Variants in ANKS1A observed in about 807,000 individuals in gnomAD.
ANKS1A encodes ankyrin repeat and sterile alpha motif domain containing 1A.
In ANKS1A, 55 loss-of-function variants were observed where a neutral mutation model predicts 120.3. The observed-to-expected ratio is 0.46, with a 90% CI of 0.37 to 0.57. The LOEUF (loss-of-function observed/expected upper bound fraction) is 0.57, where lower values mean the gene tolerates loss of function less well. Ranked by LOEUF, ANKS1A falls within the 20% of genes least tolerant of loss-of-function variation. ANKS1A has a pLI of 0.00. For synonymous variants in ANKS1A, 590 were observed against 604.7 expected (o/e 0.98, Z 0.36); for missense variants, 1,123 against 1,480.3 (o/e 0.76, Z 3.96).
In ANKS1A at chr6:35,017,526, G is replaced by C; in HGVS notation, c.1477G>C (p.Gly493Arg). 1 of 1,613,886 alleles carries C rather than the reference G, an allele frequency of 6.2e-7. No individual in the cohort carries two copies. Among genetic ancestry groups the C allele is most frequent in the Non-Finnish European group, 8.5e-7 (1 of 1,179,938 alleles). Reference protein sequence around the residue: ...RSQDSAEGQDGQVPEQFSGLL... With the variant: ...RSQDSAEGQDRQVPEQFSGLL... ...CCAGGACTCTGCGGAGGGGCAGGAC[G>C]GGCAGGTCCCAGAGCAGTTCTCAGG... Residue 493 changes from glycine to arginine, a missense_variant, in exon 11 of 24, where the codon GGG becomes CGG. Physicochemically the swap from Gly to Arg is moderately radical, Grantham distance 125. Around this residue, in one of 3 missense-constraint regions of ANKS1A, gnomAD observed 904 missense variants for 1,130.4 expected, o/e 0.80. Transcript: ENST00000360359.
In ANKS1A at chr6:35,060,269, C is replaced by T; in HGVS notation, c.2184+16C>T. On this transcript the variant is annotated intron_variant, in intron 13 of 23. Transcript: ENST00000360359. The surrounding 1 kb of genome is among the most constrained non-coding windows in gnomAD (Gnocchi z 4.5). Reference sequence around the variant, plus strand: ...CCACTTCCTGGTAAGTGGCTGCAGGCCTCCTCAATGGCAGGGTGCTGCTCA... The same window carrying T: ...CCACTTCCTGGTAAGTGGCTGCAGGTCTCCTCAATGGCAGGGTGCTGCTCA... 6.2e-7 allele frequency: 1 copy of T among 1,600,702 alleles called. No homozygotes were observed. The highest frequency in any genetic ancestry group is 8.5e-7 in the Non-Finnish European group (1 of 1,173,468).
At chr6:35,010,194 A>G (rs1054351464) in intron 10 of ANKS1A, among the ~76,000 whole-genome samples, 1 of 151,988 alleles carries the variant, frequency 6.6e-6, no homozygotes, top group African/African-American at 2.4e-5. Flanking sequence ...TTTTTTTTTA[A>G]AGAGTAGAGC....
chr6:34,908,696 A>G (rs1394604703), intron 1 of ANKS1A, among the ~76,000 whole-genome samples: 1 of 152,148 alleles, frequency 6.6e-6, no homozygotes, highest in African/African-American at 2.4e-5. Context: ...GCATCATAAT[A>G]TATTATTCTG....
At chr6:35,038,317 AC>A (rs1775284500) in intron 11 of ANKS1A, 2 of 456,540 alleles carry the variant, frequency 4.4e-6, no homozygotes, top group Non-Finnish European at 8.8e-6. Context: ...GGAAACTGGA[AC>A]TTTGCATTCT....
intron 1 of ANKS1A, among the ~76,000 whole-genome samples, chr6:34,943,429 C>T (rs191255759): frequency 1.0e-3 from 154 of 152,244 alleles, no homozygotes; most frequent in African/African-American, 3.2e-3. Context: ...AATATTGATA[C>T]GTTATTAACT....
intron 13 of ANKS1A, among the ~76,000 whole-genome samples, chr6:35,071,470 T>G (rs1777083743): frequency 6.6e-6 from 1 of 152,164 alleles, no homozygotes; most frequent in African/African-American, 2.4e-5. Flanking sequence ...TCTGCTTTAA[T>G]GATAATGTGG....
chr6:35,015,817 A>G (rs1773970970), intron 10 of ANKS1A, among the ~76,000 whole-genome samples: 1 of 152,208 alleles, frequency 6.6e-6, no homozygotes, highest in South Asian at 2.1e-4. Context: ...ATGCTTGGGC[A>G]TTGGAGACTG....
intron 1 of ANKS1A, among the ~76,000 whole-genome samples, chr6:34,965,710 C>A (rs1473560554): frequency 6.6e-6 from 1 of 151,454 alleles, no homozygotes; most frequent in African/African-American, 2.4e-5. Context: ...GCTCAGATGG[C>A]TTTACTGGTG....
intron 10 of ANKS1A, among the ~76,000 whole-genome samples, chr6:35,005,213 A>G (rs1021171091): frequency 6.6e-6 from 1 of 152,218 alleles, no homozygotes; most frequent in Non-Finnish European, 1.5e-5. Flanking sequence ...CCCTCCCTTA[A>G]TGGTGAAGAG....
At chr6:34,890,736 C>G (rs985417641) in intron 1 of ANKS1A, among the ~76,000 whole-genome samples, 1 of 152,168 alleles carries the variant, frequency 6.6e-6, no homozygotes, top group South Asian at 2.1e-4. Flanking sequence ...AGTTCAGCAG[C>G]GCTTTCATAG....
Position 35,083,452 on chromosome 6 carries a change from C to G in ANKS1A, c.2943C>G (p.Ile981Met). The stretch of plus-strand genomic sequence containing the variant: ...AGCACATGAAGAAGATCCCCACCAT[C>G]ATCCTGTCCATCACATACAAAGGTG... Reference protein sequence around the residue: ...STEHMKKIPTIILSITYKGVK... With the variant: ...STEHMKKIPTMILSITYKGVK... The change falls in exon 20 of 24, where the codon ATC becomes ATG. Residue 981 changes from isoleucine (I) to methionine (M), a missense_variant. Physicochemically the swap from Ile to Met is conservative, Grantham distance 10. Coordinates refer to ENST00000360359, the MANE Select transcript of ANKS1A (RefSeq NM_015245.3). The G allele has an allele frequency of 6.2e-7, 1 of 1,614,120 alleles. No homozygotes were observed. Among genetic ancestry groups the G allele is most frequent in the Non-Finnish European group, 8.5e-7 (1 of 1,180,006 alleles).
chr6:34,989,144 A>G, intron 8 of ANKS1A, 80 bp from the exon 9 acceptor site: 1 of 1,327,718 alleles, frequency 7.5e-7, no homozygotes, highest in Admixed American at 2.1e-5. Context: ...TTCATTTCTA[A>G]GGGCTAAGAT....
chr6:35,083,052 G>C, intron 18 of ANKS1A, 103 bp from the exon 19 acceptor site: 1 of 1,434,928 alleles, frequency 7.0e-7, no homozygotes, highest in Non-Finnish European at 9.6e-7. Context: ...TGTTGTTATT[G>C]AGAGGGGTAA....
At chr6:35,039,091 T>TGTGGG (rs1554150015) in intron 11 of ANKS1A, among the ~76,000 whole-genome samples, 1 of 113,816 alleles carries the variant, frequency 8.8e-6, no homozygotes, top group Admixed American at 8.2e-5. Flanking sequence ...TGTGTGTGTG[T>TGTGGG]GGGGGGGGGT....
In ANKS1A at chr6:34,982,030, T is replaced by C; in HGVS notation, c.732+44T>C. On this transcript the variant is annotated intron_variant, in intron 4 of 23. Transcript: ENST00000360359. The surrounding 1 kb of genome is among the most constrained non-coding windows in gnomAD (Gnocchi z 4.9). Reference sequence around the variant, plus strand: ...GCTCCTCCAATCTCAAGAGACTCAGTCATTTTGCAGAAGGCACAAGGACCA... The same window carrying C: ...GCTCCTCCAATCTCAAGAGACTCAGCCATTTTGCAGAAGGCACAAGGACCA... 3 of 1,600,532 alleles carry C rather than the reference T, an allele frequency of 1.9e-6. No homozygotes were observed. Among genetic ancestry groups the C allele is most frequent in the Non-Finnish European group, 2.6e-6 (3 of 1,172,578 alleles).
chr6:35,084,749 A>G lies in ANKS1A; in HGVS notation c.3132+491A>G, dbSNP rs1046654366. Among the ~76,000 whole-genome samples the G allele has an allele frequency of 2.6e-5, 4 of 152,062 alleles. No individual in the cohort carries two copies. Among genetic ancestry groups the G allele is most frequent in the African/African-American group, 9.7e-5 (4 of 41,400 alleles). On this transcript the variant is annotated intron_variant, in intron 21 of 23. Transcript: ENST00000360359. This position sits in a 1 kb window ranked among gnomAD's most constrained non-coding sequence, Gnocchi z 4.8. ...CAGAAATGCCCTCTACTTCCCTCTT[A>G]GGGGCAGTGGTGCCCTCTTTGGCAG...
At position 34,982,031 on chromosome 6, in the gene ANKS1A, C is replaced by A; in HGVS notation, c.732+45C>A. ...CTCCTCCAATCTCAAGAGACTCAGT[C>A]ATTTTGCAGAAGGCACAAGGACCAT... On this transcript the variant is annotated intron_variant, in intron 4 of 23. Coordinates refer to ENST00000360359, the MANE Select transcript of ANKS1A (RefSeq NM_015245.3). This position sits in a 1 kb window ranked among gnomAD's most constrained non-coding sequence, Gnocchi z 4.9. 6.3e-7 allele frequency: 1 copy of A among 1,599,338 alleles called. No homozygotes were observed. Among genetic ancestry groups the A allele is most frequent in the South Asian group, 1.1e-5 (1 of 89,278 alleles).
At chr6:35,056,056 T>C (rs1366642764) in intron 12 of ANKS1A, among the ~76,000 whole-genome samples, 2 of 152,238 alleles carry the variant, frequency 1.3e-5, no homozygotes, top group African/African-American at 2.4e-5. Flanking sequence ...GTCAGTTCCA[T>C]TGAGGATGGT....
chr6:34,991,665 TATATACACATATATATAC>T (rs1772542794), intron 9 of ANKS1A, among the ~76,000 whole-genome samples: 3 of 36,402 alleles, frequency 8.2e-5, no homozygotes, highest in Non-Finnish European at 1.7e-4. Flanking sequence ...TATACACATA[TATATACACATATATATAC>T]ATATATACAC....
Sources: allele counts gnomAD v4.1 joint callset (sites outside exome capture counted in the v4.1 genomes callset), GRCh38; gene constraint gnomAD v4.1.1; regional missense constraint gnomAD v4.1.1; non-coding constraint Gnocchi (gnomAD v3.1); transcripts MANE v1.5; gene names NCBI Gene and HGNC (gene_info 2026-07-23, HGNC 2026-07-21).